HAGH: variants seen among roughly 807,000 people sequenced by gnomAD.
HAGH encodes hydroxyacylglutathione hydrolase.
A neutral mutation model predicts 35.1 loss-of-function variants in HAGH; 29 were observed. That is an observed-to-expected ratio of 0.83 (90% CI 0.62 to 1.13). The LOEUF (loss-of-function observed/expected upper bound fraction) is 1.13, where lower values mean the gene tolerates loss of function less well. HAGH is among the 50% of genes most tolerant of loss of function. HAGH has a pLI of 0.00. For missense variants in HAGH, 478 were observed against 419.6 expected, an observed-to-expected ratio of 1.14 and a Z score of -1.22; for synonymous variants, 225 against 176.1, an observed-to-expected ratio of 1.28 and a Z score of -2.20.
In HAGH at chr16:1,809,360, C is replaced by T. The variant is rs757638249; in HGVS notation, c.850G>A (p.Ala284Thr). 2.9e-5 allele frequency: 47 copies of T among 1,612,190 alleles called. No individual in the cohort carries two copies. The highest frequency in any genetic ancestry group is 2.9e-4 in the South Asian group (26 of 91,084). ...GTGGTCACCGGGTCCGTCTCACCTG[C>T]GTGCTGCTGCACCGTCTTCTCCCTG... The part of the protein sequence containing the change: ...RVREKTVQQH[A>T]GETDPVTTMR... Residue 284 changes from alanine to threonine, a missense_variant, in exon 9 of 9, where the codon GCA becomes ACA. Transcript: ENST00000397356.
chr16:1,819,299 TG>T, intron 4 of HAGH, 76 bp from the exon 5 acceptor site: 1 of 810,094 alleles, frequency 1.2e-6, no homozygotes, highest in Non-Finnish European at 2.0e-6. Flanking sequence ...GCGCGCCGCC[TG>T]GGCCCTACTG....
At chr16:1,818,356 G>A (rs984038513) in intron 5 of HAGH, among the ~76,000 whole-genome samples, 6 of 152,106 alleles carry the variant, frequency 3.9e-5, no homozygotes, top group Admixed American at 2.0e-4. Context: ...CGAGGCGCCC[G>A]TCCCTCCCGC....
At chr16:1,814,936 C>CAG (rs1249668424) in intron 7 of HAGH, among the ~76,000 whole-genome samples, 6 of 116,522 alleles carry the variant, frequency 5.1e-5, no homozygotes, top group African/African-American at 1.8e-4. Context: ...TATATACACA[C>CAG]ACACACACAC....
At chr16:1,816,728 A>T (rs1457584772) in intron 7 of HAGH, among the ~76,000 whole-genome samples, 165 bp downstream of exon 7, 1 of 151,994 alleles carries the variant, frequency 6.6e-6, no homozygotes, top group Non-Finnish European at 1.5e-5. Flanking sequence ...TCTCCATAGA[A>T]CCCCTGGGTT....
chr16:1,809,619 G>A, intron 8 of HAGH, 135 bp downstream of exon 8: 1 of 747,596 alleles, frequency 1.3e-6, no homozygotes, highest in South Asian at 1.6e-5. Flanking sequence ...GAGTGCTCGG[G>A]CTCTGCGGCT....
Position 1,822,886 on chromosome 16 carries a change from C to T in HAGH, c.228G>A (p.Val76=). 1 of 1,613,790 alleles carries T rather than the reference C, an allele frequency of 6.2e-7. No individual in the cohort carries two copies. Among genetic ancestry groups the T allele is most frequent in the Non-Finnish European group, 8.5e-7 (1 of 1,179,950 alleles). ...IDDETKEAAI[V]DPVQPQKVVD... ...GCACCTTCTGGGGCTGCACCGGATCCACAATGGCAGCCTCCTTGGTCTCAT... is the reference window on the plus strand; with the variant it reads ...GCACCTTCTGGGGCTGCACCGGATCTACAATGGCAGCCTCCTTGGTCTCAT... Residue 76 remains valine (V), a synonymous_variant, in exon 2 of 9, where the codon GTG becomes GTA. Transcript: ENST00000397356.
intron 8 of HAGH, 60 bp from the exon 9 acceptor site, chr16:1,809,442 G>T: frequency 7.3e-7 from 1 of 1,374,840 alleles, no homozygotes; most frequent in Non-Finnish European, 1.0e-6. Context: ...GAGGAGCCAG[G>T]GCCACTGCAG....
rs1897511683 is a variant in HAGH at position 1,809,089 on chromosome 16, T to C, written c.*194A>G. 1 of 545,936 alleles carries C rather than the reference T, an allele frequency of 1.8e-6. No homozygotes were observed. The highest frequency in any genetic ancestry group is 2.6e-5 in the South Asian group (1 of 38,040). The allele number at this position is 545,936 out of a possible 1,614,324, so 33.8% of individuals were successfully genotyped here. Reference sequence around the variant, plus strand: ...AGGCCTAAAGGCCAGAAGAAAACAGTCTGCAAGGGGAAGTTATGGGAATAA... The same window carrying C: ...AGGCCTAAAGGCCAGAAGAAAACAGCCTGCAAGGGGAAGTTATGGGAATAA... On this transcript the variant is annotated 3_prime_UTR_variant, in exon 9 of 9. Coordinates refer to ENST00000397356, the MANE Select transcript of HAGH (RefSeq NM_005326.6).
At chr16:1,824,676 G>A (rs1415375532) in intron 1 of HAGH, among the ~76,000 whole-genome samples, 1 of 152,142 alleles carries the variant, frequency 6.6e-6, no homozygotes, top group Non-Finnish European at 1.5e-5. Flanking sequence ...CGCGTCTCCA[G>A]GGCCCACCGA....
At chr16:1,819,794 C>T (rs1898062723) in intron 4 of HAGH, 103 bp downstream of exon 4, 11 of 770,166 alleles carry the variant, frequency 1.4e-5, no homozygotes, top group Non-Finnish European at 2.1e-5. Flanking sequence ...AGAGCACTCC[C>T]GGGTCACTGG....
Position 1,815,932 on chromosome 16 carries a change from ATTTTTTTTTTT to A in HAGH, c.747+950_747+960del, listed in dbSNP as rs61101799. On this transcript the variant is annotated intron_variant, in intron 7 of 8. Transcript: ENST00000397356. ...TACTCAAGAGGCTGAGGCAGGGAGA[ATTTTTTTTTTT>A]TTTTTTTTTTTTTTTTGAGACGGAG... Among the ~76,000 whole-genome samples, 8 of 102,246 alleles carry A rather than the reference ATTTTTTTTTTT, an allele frequency of 7.8e-5. No individual in the cohort carries two copies. In the East Asian group the frequency reaches 1.8e-3, roughly 23 times the overall value. 67.1% of individuals were successfully genotyped at this position (102,246 alleles called of 152,430 possible). A position where few individuals can be genotyped will look rare whatever the true frequency, so the allele number is the denominator to read the frequency against.
At chr16:1,809,901 C>A in intron 7 of HAGH, 68 bp from the exon 8 acceptor site, 1 of 1,169,066 alleles carries the variant, frequency 8.6e-7, no homozygotes, top group Non-Finnish European at 1.3e-6. Flanking sequence ...CGGAGGCTCA[C>A]GTCTGTGATA....
chr16:1,823,735 C>A lies in HAGH; in HGVS notation c.77-698G>T, dbSNP rs1419865764. Among the ~76,000 whole-genome samples, 3 of 80,292 alleles carry A rather than the reference C, an allele frequency of 3.7e-5. No homozygotes were observed. The East Asian group carries it at 1.1e-3, about 29-fold the overall frequency. The allele number at this position is 80,292 out of a possible 152,430, so 52.7% of individuals were successfully genotyped here. A position where few individuals can be genotyped will look rare whatever the true frequency, so the allele number is the denominator to read the frequency against. ...TCCAGCCTGGGTGACAAGACAATAA[C>A]CTGTTCCTTAAAAAAAAAAAAAAAA... On this transcript the variant is annotated intron_variant, in intron 1 of 8. Transcript: ENST00000397356.
Position 1,809,280 on chromosome 16 carries a change from G to C in HAGH, c.*3C>G. Reference sequence around the variant, plus strand: ...CCAAATCCGCTGAAGGTGCAGGGCGGCCTCAGTCCCGGGGCATCTTGAACT... The same window carrying C: ...CCAAATCCGCTGAAGGTGCAGGGCGCCCTCAGTCCCGGGGCATCTTGAACT... On this transcript the variant is annotated 3_prime_UTR_variant, in exon 9 of 9. Transcript: ENST00000397356. 1 of 1,594,066 alleles carries C rather than the reference G, an allele frequency of 6.3e-7. No homozygotes were observed. Among genetic ancestry groups the C allele is most frequent in the Non-Finnish European group, 8.6e-7 (1 of 1,164,468 alleles).
rs140899100 is a variant in HAGH at position 1,809,350 on chromosome 16, G to C, written c.860C>G (p.Thr287Arg). The change falls in exon 9 of 9, where the codon ACG becomes AGG. Residue 287 changes from threonine to arginine, a missense_variant. By Grantham distance (71) the Thr-to-Arg change is moderately conservative (BLOSUM62 -1). Transcript: ENST00000397356. ...GGCCCGCATGGTGGTCACCGGGTCC[G>C]TCTCACCTGCGTGCTGCTGCACCGT... ...EKTVQQHAGE[T>R]DPVTTMRAVR... The C allele has an allele frequency of 3.1e-6, 5 of 1,612,944 alleles. No individual in the cohort carries two copies. The highest frequency in any genetic ancestry group is 2.2e-5 in the East Asian group (1 of 44,882).
chr16:1,816,825 G>A (rs907249433), intron 7 of HAGH, 68 bp downstream of exon 7: 17 of 966,838 alleles, frequency 1.8e-5, no homozygotes, highest in Middle Eastern at 2.2e-4. Flanking sequence ...CCACTCTGGC[G>A]ACCCCGCTGT....
At chr16:1,809,626 G>A (rs112381442) in intron 8 of HAGH, 128 bp downstream of exon 8, 19 of 763,170 alleles carry the variant, frequency 2.5e-5, no homozygotes, top group East Asian at 9.8e-5. Flanking sequence ...CGGGCTCTGC[G>A]GCTGCACCTG....
intron 1 of HAGH, among the ~76,000 whole-genome samples, chr16:1,825,478 G>T (rs1272441594): frequency 6.6e-6 from 1 of 152,130 alleles, no homozygotes; most frequent in Non-Finnish European, 1.5e-5. Flanking sequence ...AATGTTCCCG[G>T]CTTGCTGTTT....
chr16:1,808,724 A>T lies in HAGH; in HGVS notation c.*559T>A. ...ACCTACCCAGCCCTCCCGGGGTCAC[A>T]GGCCGAGAGCACTCCCCAGCTGGCT... On this transcript the variant is annotated 3_prime_UTR_variant, in exon 9 of 9. Coordinates refer to ENST00000397356, the MANE Select transcript of HAGH (RefSeq NM_005326.6). 1 of 152,568 alleles carries T rather than the reference A, an allele frequency of 6.6e-6. No homozygotes were observed. Among genetic ancestry groups the T allele is most frequent in the South Asian group, 2.1e-4 (1 of 4,842 alleles). The allele number at this position is 152,568 out of a possible 1,614,324, so 9.5% of individuals were successfully genotyped here. A position where few individuals can be genotyped will look rare whatever the true frequency, so the allele number is the denominator to read the frequency against.
Sources: allele counts gnomAD v4.1 joint callset (sites outside exome capture counted in the v4.1 genomes callset), GRCh38; gene constraint gnomAD v4.1.1; transcripts MANE v1.5; gene names NCBI Gene and HGNC (gene_info 2026-07-23, HGNC 2026-07-21).